Variants in PRKCE observed in about 807,000 individuals in gnomAD.
PRKCE encodes the protein protein kinase C epsilon.
PRKCE carries 16 observed loss-of-function variants against 85.4 expected under a neutral mutation model. The ratio of observed to expected loss-of-function variants is 0.19; its 90% CI spans 0.13 to 0.28. The LOEUF (loss-of-function observed/expected upper bound fraction) is 0.28. Ranked by LOEUF, PRKCE falls within the 10% of genes least tolerant of loss-of-function variation. The pLI is 1.00. For synonymous variants in PRKCE, 388 were observed against 371.5 expected (o/e 1.04, Z -0.51); for missense variants, 573 against 975.2 (o/e 0.59, Z 5.49).
At chr2:46,010,706 G>A in intron 10 of PRKCE, 189 bp downstream of exon 10, 3 of 1,598,476 alleles carry the variant, frequency 1.9e-6, no homozygotes, top group South Asian at 2.2e-5. Context: ...TCCATTCAAG[G>A]TTGTGCTTGT....
rs764441212 is a variant in PRKCE, at chr2:46,159,110, A to G, written c.1921-496A>G. ...CAGGAAAGGAGCTGGAGGAGGCATTAGTACATTTGATCATTTACCTGGTCC... is the reference window on the plus strand; with the variant it reads ...CAGGAAAGGAGCTGGAGGAGGCATTGGTACATTTGATCATTTACCTGGTCC... On this transcript the variant is annotated intron_variant, in intron 13 of 14. Coordinates refer to ENST00000306156, the MANE Select transcript of PRKCE (RefSeq NM_005400.3). The surrounding 1 kb of genome is among the most constrained non-coding windows in gnomAD (Gnocchi z 4.1). Among the ~76,000 whole-genome samples the G allele has an allele frequency of 2.0e-5, 3 of 152,212 alleles. No homozygotes were observed. Among genetic ancestry groups the G allele is most frequent in the Non-Finnish European group, 2.9e-5 (2 of 68,032 alleles).
intron 1 of PRKCE, among the ~76,000 whole-genome samples, chr2:45,833,888 T>C (rs967377976): frequency 6.6e-6 from 1 of 152,238 alleles, no homozygotes; most frequent in Non-Finnish European, 1.5e-5. Flanking sequence ...TATACAGTCA[T>C]GTACTGCCAT....
chr2:46,083,072 C>T (rs888993264), intron 10 of PRKCE, among the ~76,000 whole-genome samples: 4 of 152,190 alleles, frequency 2.6e-5, no homozygotes, highest in Non-Finnish European at 5.9e-5. Flanking sequence ...ATGCCTCAGC[C>T]TCCTGAGTAG....
chr2:45,892,225 C>A (rs1695775193), intron 2 of PRKCE, among the ~76,000 whole-genome samples: 1 of 152,170 alleles, frequency 6.6e-6, no homozygotes, highest in African/African-American at 2.4e-5. Flanking sequence ...GAGGTGACAG[C>A]TTTTTTGAGC....
chr2:46,031,679 A>T (rs1247150473), intron 10 of PRKCE, among the ~76,000 whole-genome samples: 2 of 151,498 alleles, frequency 1.3e-5, no homozygotes, highest in Non-Finnish European at 2.9e-5. Context: ...ATAAATGCTC[A>T]TGCATCCTGT....
intron 1 of PRKCE, among the ~76,000 whole-genome samples, chr2:45,815,654 T>C (rs1330402007): frequency 6.6e-6 from 1 of 152,250 alleles, no homozygotes; most frequent in African/African-American, 2.4e-5. Context: ...GTAGCCAGAC[T>C]CCATGCAGGG....
chr2:45,939,766 G>C (rs1480682357), intron 2 of PRKCE, among the ~76,000 whole-genome samples: 3 of 152,176 alleles, frequency 2.0e-5, no homozygotes, highest in African/African-American at 7.2e-5. Flanking sequence ...TGTTGACCAG[G>C]ATGGTCTTGA....
At chr2:45,946,130 G>C (rs1207811293) in intron 2 of PRKCE, among the ~76,000 whole-genome samples, 1 of 152,256 alleles carries the variant, frequency 6.6e-6, no homozygotes, top group Admixed American at 6.5e-5. Context: ...AAGGTGGCCA[G>C]AGTTTGCAGA....
At chr2:45,876,250 C>T (rs1410600371) in intron 2 of PRKCE, among the ~76,000 whole-genome samples, 1 of 152,190 alleles carries the variant, frequency 6.6e-6, no homozygotes, top group East Asian at 1.9e-4. Context: ...AATCCTTCAG[C>T]ATTTCCCCAT....
intron 1 of PRKCE, among the ~76,000 whole-genome samples, chr2:45,691,100 C>T (rs904508733): frequency 4.6e-5 from 7 of 152,198 alleles, no homozygotes; most frequent in African/African-American, 1.4e-4. Flanking sequence ...CATTAAGTTT[C>T]AGGACTAAGG....
At chr2:45,991,389 G>A (rs1433087720) in intron 6 of PRKCE, among the ~76,000 whole-genome samples, 2 of 152,010 alleles carry the variant, frequency 1.3e-5, no homozygotes, top group Non-Finnish European at 1.5e-5. Flanking sequence ...TTTATTCTCT[G>A]TTTACCCAGC....
chr2:45,958,802 ATATATATATATATATTTTT>A (rs1701158538), intron 2 of PRKCE, among the ~76,000 whole-genome samples: 1 of 20,214 alleles, frequency 4.9e-5, no homozygotes, highest in Non-Finnish European at 8.5e-5. Context: ...ATATATATAT[ATATATATATATATATTTTT>A]TTTTTTTTTT....
chr2:45,705,726 A>G (rs1679060429), intron 1 of PRKCE, among the ~76,000 whole-genome samples: 1 of 152,162 alleles, frequency 6.6e-6, no homozygotes, highest in Non-Finnish European at 1.5e-5. Flanking sequence ...CTTTGACATG[A>G]TGGTGGTATA....
intron 1 of PRKCE, among the ~76,000 whole-genome samples, chr2:45,766,858 G>A (rs1684953312): frequency 6.6e-6 from 1 of 152,060 alleles, no homozygotes; most frequent in African/African-American, 2.4e-5. Context: ...TGGGCAACAC[G>A]GTGAAACCCC....
chr2:45,909,277 A>G (rs1697206112), intron 2 of PRKCE, among the ~76,000 whole-genome samples: 1 of 152,250 alleles, frequency 6.6e-6, no homozygotes, highest in African/African-American at 2.4e-5. Flanking sequence ...CAAGAAAGGA[A>G]GGCTCCAATT....
At chr2:45,752,286 C>T (rs905169617) in intron 1 of PRKCE, among the ~76,000 whole-genome samples, 14 of 152,164 alleles carry the variant, frequency 9.2e-5, no homozygotes, top group Non-Finnish European at 1.8e-4. Flanking sequence ...GAAACTGAGA[C>T]ACAAAGAAGT....
chr2:45,837,612 T>C (rs150371100), intron 1 of PRKCE, among the ~76,000 whole-genome samples: 71 of 152,300 alleles, frequency 4.7e-4, no homozygotes, highest in Admixed American at 1.4e-3. Context: ...TGCACAGACA[T>C]AGGTGTGAAT....
chr2:45,703,027 C>T (rs1056130513), intron 1 of PRKCE, among the ~76,000 whole-genome samples: 1 of 151,688 alleles, frequency 6.6e-6, no homozygotes, highest in Non-Finnish European at 1.5e-5. Context: ...TTTTTCCCCC[C>T]CCGTCAGGAA....
intron 2 of PRKCE, among the ~76,000 whole-genome samples, chr2:45,942,105 A>G (rs1479064457): frequency 6.6e-6 from 1 of 152,158 alleles, no homozygotes. Flanking sequence ...GAATGTGAGC[A>G]CTCTTGCTTA....
Sources: gnomAD v4.1 joint callset for allele counts (sites outside exome capture counted in the v4.1 genomes callset) on GRCh38, gnomAD v4.1.1 for gene constraint, Gnocchi (gnomAD v3.1) non-coding constraint, MANE v1.5 for transcripts, NCBI Gene and HGNC (gene_info 2026-07-23, HGNC 2026-07-21) for gene names.